RANBP2: variants seen among roughly 807,000 people sequenced by gnomAD.
RANBP2 encodes E3 SUMO-protein ligase RanBP2.
In RANBP2, 57 loss-of-function variants were observed where a neutral mutation model predicts 303.6. The observed-to-expected ratio is 0.19, with a 90% CI of 0.15 to 0.23. RANBP2 has a LOEUF of 0.23. Ranked by LOEUF, RANBP2 falls within the 10% of genes least tolerant of loss-of-function variation. The probability of loss-of-function intolerance (pLI) is 1.00; values close to 1 mark genes in which losing one functional copy is unlikely to be tolerated. For missense variants in RANBP2, 3,138 were observed against 3,780.8 expected, an observed-to-expected ratio of 0.83 and a Z score of 4.46; for synonymous variants, 1,167 against 1,301.5, an observed-to-expected ratio of 0.90 and a Z score of 2.23.
chr2:109,687,516 G>A, the RANBP2 span, among the ~76,000 whole-genome samples: 9 of 152,056 alleles, frequency 5.9e-5, no homozygotes, highest in Non-Finnish European at 4.4e-5. Flanking sequence ...GGCCAATCTC[G>A]CACCACAAGT....
At chr2:109,726,772 A>G in the RANBP2 span, among the ~76,000 whole-genome samples, 1 of 152,322 alleles carries the variant, frequency 6.6e-6, no homozygotes, top group Middle Eastern at 3.4e-3. Context: ...CCTCCGGCCC[A>G]CCGCAGGAAA....
the RANBP2 span, among the ~76,000 whole-genome samples, chr2:108,974,887 C>G: frequency 1.3e-5 from 2 of 152,200 alleles, no homozygotes; most frequent in Non-Finnish European, 2.9e-5. Flanking sequence ...ACAACACTTG[C>G]AGTCTGCATG....
At chr2:109,425,804 G>A in the RANBP2 span, among the ~76,000 whole-genome samples, 1 of 152,224 alleles carries the variant, frequency 6.6e-6, no homozygotes, top group Non-Finnish European at 1.5e-5. Context: ...TTTCATGCCT[G>A]CTGACACAGC....
the RANBP2 span, chr2:108,883,875 A>G: frequency 6.6e-6 from 1 of 152,180 alleles, no homozygotes; most frequent in Non-Finnish European, 1.5e-5. Context: ...TTCTTTCAGG[A>G]GCAGGACTGA....
the RANBP2 span, among the ~76,000 whole-genome samples, chr2:108,936,705 T>C: frequency 6.6e-6 from 1 of 152,088 alleles, no homozygotes; most frequent in Admixed American, 6.5e-5. Flanking sequence ...ACACTTCCAT[T>C]TGATGTGATT....
chr2:109,214,609 G>A, the RANBP2 span, among the ~76,000 whole-genome samples: 1 of 152,080 alleles, frequency 6.6e-6, no homozygotes, highest in Non-Finnish European at 1.5e-5. Context: ...AATCCTTTTT[G>A]AGGAGGACAT....
At chr2:109,030,690 G>T in the RANBP2 span, among the ~76,000 whole-genome samples, 3 of 152,208 alleles carry the variant, frequency 2.0e-5, no homozygotes, top group East Asian at 5.8e-4. Context: ...TGAATTTTTG[G>T]ACCACTTTGG....
chr2:109,695,972 C>CTT, the RANBP2 span, among the ~76,000 whole-genome samples: 1 of 150,714 alleles, frequency 6.6e-6, no homozygotes, highest in East Asian at 1.9e-4. Flanking sequence ...CTCACTTTTT[C>CTT]TTTTTTTTTG....
At chr2:109,682,666 G>T in the RANBP2 span, among the ~76,000 whole-genome samples, 1 of 152,166 alleles carries the variant, frequency 6.6e-6, no homozygotes, top group African/African-American at 2.4e-5. Context: ...ATAGTAAGGT[G>T]TGATGGCTCA....
At chr2:108,943,913 C>T in the RANBP2 span, among the ~76,000 whole-genome samples, 1 of 152,184 alleles carries the variant, frequency 6.6e-6, no homozygotes, top group African/African-American at 2.4e-5. Context: ...ACCTCAGTTA[C>T]GTTGCTTCCA....
the RANBP2 span, chr2:108,923,297 C>T: frequency 6.8e-7 from 1 of 1,475,288 alleles, no homozygotes; most frequent in Non-Finnish European, 9.5e-7. Flanking sequence ...CGGCTCTTTC[C>T]TACACCCTCT....
chr2:108,972,936 G>A, the RANBP2 span, among the ~76,000 whole-genome samples: 1 of 152,140 alleles, frequency 6.6e-6, no homozygotes, highest in South Asian at 2.1e-4. Context: ...CAAGTCCAAA[G>A]AATTTCTTAG....
At chr2:108,787,794 TG>T (rs902235126), downstream of RANBP2, among the ~76,000 whole-genome samples, 28 of 152,098 alleles carry the variant, frequency 1.8e-4, no homozygotes, top group African/African-American at 6.8e-4. Flanking sequence ...TTCGTTAGAT[TG>T]ATTATGCATT....
the RANBP2 span, chr2:108,897,235 G>A: frequency 2.5e-6 from 4 of 1,612,896 alleles, no homozygotes; most frequent in Middle Eastern, 3.3e-4. Context: ...AAGACCTACA[G>A]ACACCAATGG....
chr2:109,614,403 CGCCGCCGTCGG>C, the RANBP2 span: 1 of 1,028,654 alleles, frequency 9.7e-7, no homozygotes, highest in East Asian at 3.7e-5. Flanking sequence ...CGCCAGACTC[CGCCGCCGTCGG>C]GAGCCGGCCG....
the RANBP2 span, among the ~76,000 whole-genome samples, chr2:109,239,311 TA>T: frequency 1.3e-5 from 2 of 152,170 alleles, no homozygotes; most frequent in African/African-American, 2.4e-5. Flanking sequence ...TATCCCTTCC[TA>T]GGGGGCTATA....
chr2:109,485,047 G>A, the RANBP2 span, among the ~76,000 whole-genome samples: 5 of 152,198 alleles, frequency 3.3e-5, no homozygotes, highest in East Asian at 1.9e-4. Context: ...CGTGTGCAGC[G>A]CAGCATGTGC....
chr2:108,779,416 C>T (rs1573851035), intron 25 of RANBP2, among the ~76,000 whole-genome samples: 1 of 151,870 alleles, frequency 6.6e-6, no homozygotes, highest in East Asian at 2.0e-4. Flanking sequence ...CAGCCCGCCT[C>T]GGCCTCCTAA....
At chr2:109,146,896 C>T in the RANBP2 span, among the ~76,000 whole-genome samples, 1 of 102,432 alleles carries the variant, frequency 9.8e-6, no homozygotes, top group Non-Finnish European at 1.9e-5. Flanking sequence ...CCCCCCCCCC[C>T]CCCCCGCCCC....
Sources: gnomAD v4.1 joint callset for allele counts (sites outside exome capture counted in the v4.1 genomes callset) on GRCh38, gnomAD v4.1.1 for gene constraint, MANE v1.5 for transcripts, NCBI Gene and HGNC (gene_info 2026-07-23, HGNC 2026-07-21) for gene names.